The following KLHL1 variants were observed in gnomAD, a reference collection of about 807,000 sequenced individuals.
KLHL1 encodes the protein kelch-like protein 1.
A neutral mutation model predicts 77.7 loss-of-function variants in KLHL1; 47 were observed. The ratio of observed to expected loss-of-function variants is 0.60; its 90% CI spans 0.48 to 0.77. KLHL1 has a LOEUF of 0.77. Ranked by LOEUF, KLHL1 falls within the 30% of genes least tolerant of loss-of-function variation. The probability of loss-of-function intolerance (pLI) is 0.00; values close to 1 mark genes in which losing one functional copy is unlikely to be tolerated. For synonymous variants in KLHL1, 360 were observed against 325.2 expected, an observed-to-expected ratio of 1.11 and a Z score of -1.15; for missense variants, 925 against 910.8, an observed-to-expected ratio of 1.02 and a Z score of -0.20.
intron 5 of KLHL1, among the ~76,000 whole-genome samples, chr13:69,855,593 G>A (rs2138140654): frequency 6.6e-6 from 1 of 151,678 alleles, no homozygotes; most frequent in South Asian, 2.1e-4. Context: ...GTTCTCAAGA[G>A]ATCTGATGAT....
At chr13:69,799,403 T>A (rs770106780) in intron 6 of KLHL1, among the ~76,000 whole-genome samples, 1 of 152,156 alleles carries the variant, frequency 6.6e-6, no homozygotes, top group Non-Finnish European at 1.5e-5. Flanking sequence ...AGGAATTGAT[T>A]TGGATTTCAA....
chr13:70,031,624 T>C (rs1276588456), intron 1 of KLHL1, among the ~76,000 whole-genome samples: 1 of 152,174 alleles, frequency 6.6e-6, no homozygotes, highest in East Asian at 1.9e-4. Flanking sequence ...TTTATAAATC[T>C]GTGTTGAGGT....
At chr13:69,758,911 ATAATT>A (rs1413130415) in intron 7 of KLHL1, among the ~76,000 whole-genome samples, 1 of 152,184 alleles carries the variant, frequency 6.6e-6, no homozygotes, top group Non-Finnish European at 1.5e-5. Context: ...CATGACTTAA[ATAATT>A]TAAATTGCTG....
At chr13:69,923,479 C>A (rs1882710567) in intron 4 of KLHL1, among the ~76,000 whole-genome samples, 1 of 152,242 alleles carries the variant, frequency 6.6e-6, no homozygotes, top group Middle Eastern at 3.4e-3. Context: ...GTGTCTATTA[C>A]AGCTCAATCA....
At chr13:70,017,346 G>A (rs1286408253) in intron 1 of KLHL1, among the ~76,000 whole-genome samples, 2 of 152,172 alleles carry the variant, frequency 1.3e-5, no homozygotes, top group African/African-American at 4.8e-5. Flanking sequence ...CCAACTTCTG[G>A]AAGCCATTGC....
chr13:69,963,490 A>G (rs1884128151), intron 2 of KLHL1, among the ~76,000 whole-genome samples: 1 of 152,180 alleles, frequency 6.6e-6, no homozygotes. Flanking sequence ...TTACATGTTG[A>G]AAATTCTACA....
intron 4 of KLHL1, among the ~76,000 whole-genome samples, chr13:69,911,906 A>T (rs749279524): frequency 6.6e-6 from 1 of 152,192 alleles, no homozygotes; most frequent in Admixed American, 6.5e-5. Context: ...TACTGCCCAC[A>T]TTATGTAAAA....
rs1205620033 is a variant in KLHL1 at position 69,956,017 on chromosome 13, GATATATATTT to G, written c.817+5281_817+5290del. ...ATTTGATATATATTTATATATATTT[GATATATATTT>G]ATATATATTTATATATATTTGATAT... On this transcript the variant is annotated intron_variant, in intron 3 of 10. Coordinates refer to ENST00000377844, the MANE Select transcript of KLHL1 (RefSeq NM_020866.3). 2.3e-3 allele frequency among the ~76,000 whole-genome samples: 196 copies of G among 86,388 alleles called. 1 individual carries two copies. Among genetic ancestry groups the G allele is most frequent in the African/African-American group, 8.3e-3 (173 of 20,764 alleles). 56.7% of individuals were successfully genotyped at this position (86,388 alleles called of 152,430 possible).
intron 3 of KLHL1, among the ~76,000 whole-genome samples, chr13:69,957,521 A>C (rs1883929551): frequency 6.6e-6 from 1 of 151,746 alleles, no homozygotes; most frequent in Non-Finnish European, 1.5e-5. Flanking sequence ...ATCCATTGTA[A>C]GCTAAGGAGC....
At chr13:69,951,460 C>T (rs547256956) in intron 3 of KLHL1, among the ~76,000 whole-genome samples, 2 of 151,588 alleles carry the variant, frequency 1.3e-5, no homozygotes, top group Admixed American at 6.6e-5. Flanking sequence ...CTGAAGTTAT[C>T]TGCAGAGCTC....
intron 3 of KLHL1, among the ~76,000 whole-genome samples, chr13:69,945,586 G>A (rs2210452): frequency 0.14 from 21,014 of 151,822 alleles, 2,376 homozygotes; most frequent in African/African-American, 0.29. Flanking sequence ...AAGAATTTTC[G>A]AACTAAATTT....
intron 4 of KLHL1, among the ~76,000 whole-genome samples, chr13:69,903,032 C>T (rs898566736): frequency 3.3e-5 from 5 of 151,986 alleles, no homozygotes; most frequent in Non-Finnish European, 5.9e-5. Flanking sequence ...AGCAACAAGT[C>T]TTATTAAAGG....
chr13:70,065,424 G>A (rs962224953), intron 1 of KLHL1, among the ~76,000 whole-genome samples: 1 of 152,082 alleles, frequency 6.6e-6, no homozygotes, highest in Non-Finnish European at 1.5e-5. Flanking sequence ...ACATATTAGG[G>A]AAAGCACAAT....
chr13:69,992,786 A>G (rs1448208099), intron 1 of KLHL1, among the ~76,000 whole-genome samples: 1 of 152,054 alleles, frequency 6.6e-6, no homozygotes, highest in Non-Finnish European at 1.5e-5. Context: ...CCTTTGATCC[A>G]ATATGTCATT....
intron 3 of KLHL1, 67 bp downstream of exon 3, chr13:69,961,241 T>A: frequency 6.8e-7 from 1 of 1,467,260 alleles, no homozygotes; most frequent in Non-Finnish European, 9.3e-7. Flanking sequence ...CGTTAAATCC[T>A]GTACTTAAAG....
intron 1 of KLHL1, among the ~76,000 whole-genome samples, chr13:70,017,428 A>T (rs967004743): frequency 6.6e-6 from 1 of 152,156 alleles, no homozygotes; most frequent in African/African-American, 2.4e-5. Flanking sequence ...CTGCAACCTC[A>T]AAAAGAGCCA....
chr13:70,028,633 G>A (rs1268997049), intron 1 of KLHL1, among the ~76,000 whole-genome samples: 1 of 152,058 alleles, frequency 6.6e-6, no homozygotes, highest in Non-Finnish European at 1.5e-5. Flanking sequence ...GAAATCAAGA[G>A]ATATTAATGA....
At chr13:69,709,745 A>G (rs1239617167) in intron 9 of KLHL1, among the ~76,000 whole-genome samples, 2 of 152,000 alleles carry the variant, frequency 1.3e-5, no homozygotes, top group African/African-American at 4.8e-5. Flanking sequence ...AACTTTAGGG[A>G]AAAAAGGAAG....
At chr13:70,035,840 A>G (rs1997615) in intron 1 of KLHL1, among the ~76,000 whole-genome samples, 47,302 of 151,802 alleles carry the variant, frequency 0.31, 9,103 homozygotes, top group South Asian at 0.45. Flanking sequence ...AACAAAATGG[A>G]TATGTCTAGT....
Sources: allele counts gnomAD v4.1 joint callset (sites outside exome capture counted in the v4.1 genomes callset), GRCh38; gene constraint gnomAD v4.1.1; transcripts MANE v1.5; gene names NCBI Gene and HGNC (gene_info 2026-07-23, HGNC 2026-07-21).